Variants in MYO16 observed in about 807,000 individuals in gnomAD.
MYO16 encodes myosin XVI, also known as unconventional myosin-XVI.
In MYO16, 94 loss-of-function variants were observed where a neutral mutation model predicts 205.3. The ratio of observed to expected loss-of-function variants is 0.46; its 90% CI spans 0.39 to 0.54. MYO16 has a LOEUF of 0.54. Ranked by LOEUF, MYO16 falls within the 20% of genes least tolerant of loss-of-function variation. MYO16 has a pLI of 0.00. For synonymous variants in MYO16, 988 were observed against 954.0 expected (o/e 1.04, Z -0.66); for missense variants, 2,315 against 2,387.5 (o/e 0.97, Z 0.63).
At chr13:108,678,448 A>C (rs1296091395) in intron 2 of MYO16, among the ~76,000 whole-genome samples, 1 of 152,014 alleles carries the variant, frequency 6.6e-6, no homozygotes, top group Non-Finnish European at 1.5e-5. Context: ...TTCCCTCATA[A>C]CCAACACGTC....
At chr13:108,993,212 G>C (rs917484917) in intron 21 of MYO16, among the ~76,000 whole-genome samples, 6 of 152,104 alleles carry the variant, frequency 3.9e-5, no homozygotes, top group African/African-American at 1.4e-4. Context: ...AGGTGGTGTG[G>C]TAGGATAAAC....
In MYO16 at chr13:108,823,259, C is replaced by T. The variant is rs372976718; in HGVS notation, c.1078C>T (p.Pro360Ser). Residue 360 changes from proline to serine, a missense_variant, in exon 9 of 35, where the codon CCC (proline) becomes TCC (serine). This residue lies in a region of MYO16 where 1,213 missense variants were observed against 1,274.4 expected (regional missense o/e 0.95). Transcript: ENST00000457511. ...EPYEEIIHDL[P>S]VLSSKLSPLV... ...CTATGAAGAGATCATTCACGATCTT[C>T]CCGTACTGTCGAGTAAGCTGTAAGT... 6.7e-5 allele frequency: 108 copies of T among 1,611,106 alleles called. No homozygotes were observed. The highest frequency in any genetic ancestry group is 6.6e-4 in the Middle Eastern group (4 of 6,064).
At chr13:108,641,565 C>A (rs1030196670) in intron 1 of MYO16, among the ~76,000 whole-genome samples, 1 of 152,122 alleles carries the variant, frequency 6.6e-6, no homozygotes, top group Non-Finnish European at 1.5e-5. Context: ...GTCATTGCTG[C>A]AAAGTATTAT....
intron 17 of MYO16, among the ~76,000 whole-genome samples, chr13:108,958,695 T>C (rs1196683766): frequency 6.6e-6 from 1 of 152,176 alleles, no homozygotes; most frequent in Non-Finnish European, 1.5e-5. Flanking sequence ...TGGTTAGTGG[T>C]TACTGAATCA....
chr13:109,159,411 T>G (rs1215911356), intron 32 of MYO16, among the ~76,000 whole-genome samples: 2 of 151,750 alleles, frequency 1.3e-5, no homozygotes, highest in African/African-American at 4.9e-5. Context: ...CAAGCTATTT[T>G]ACAGGTATGG....
chr13:109,121,974 C>T (rs746008560), intron 29 of MYO16, among the ~76,000 whole-genome samples: 10 of 152,284 alleles, frequency 6.6e-5, no homozygotes, highest in East Asian at 1.9e-4. Context: ...GGGGAGAGGG[C>T]GGGCTACAGG....
intron 16 of MYO16, among the ~76,000 whole-genome samples, chr13:108,917,623 T>C (rs928174409): frequency 6.6e-6 from 1 of 152,172 alleles, no homozygotes; most frequent in Admixed American, 6.5e-5. Flanking sequence ...ATGACTTTGA[T>C]TCGTATGGAT....
At chr13:109,184,683 A>G (rs2139928625) in intron 34 of MYO16, among the ~76,000 whole-genome samples, 1 of 151,858 alleles carries the variant, frequency 6.6e-6, no homozygotes, top group Admixed American at 6.6e-5. Flanking sequence ...TGCAACCTCC[A>G]CCTCCCAGGT....
chr13:108,813,597 T>A (rs181151120), intron 7 of MYO16, among the ~76,000 whole-genome samples: 304 of 152,304 alleles, frequency 2.0e-3, no homozygotes, highest in Admixed American at 3.3e-3. Context: ...GAAGAATAAG[T>A]AAAGTCTATA....
Position 109,177,058 on chromosome 13 carries a change from T to A in MYO16, c.5324-2484T>A, listed in dbSNP as rs181358485. Among the ~76,000 whole-genome samples, 6 of 152,368 alleles carry A rather than the reference T, an allele frequency of 3.9e-5. No homozygotes were observed. The East Asian group carries it at 1.2e-3, about 29-fold the overall frequency. On this transcript the variant is annotated intron_variant, in intron 33 of 34. Coordinates refer to ENST00000457511, the MANE Select transcript of MYO16 (RefSeq NM_001198950.3). ...TTCCGCGAAGCGTCCTTGTGTTTTG[T>A]TGCCTTATCACATTTGTGCTCTCAG... is the stretch of plus-strand genomic sequence containing the variant.
intron 6 of MYO16, among the ~76,000 whole-genome samples, chr13:108,799,870 A>G (rs763991531): frequency 6.6e-6 from 1 of 152,050 alleles, no homozygotes; most frequent in African/African-American, 2.4e-5. Flanking sequence ...GTTAAGAGGA[A>G]GAAGAAGGGA....
intron 32 of MYO16, among the ~76,000 whole-genome samples, chr13:109,158,250 G>T (rs895313471): frequency 6.6e-6 from 1 of 152,102 alleles, no homozygotes; most frequent in Non-Finnish European, 1.5e-5. Flanking sequence ...CTCCCATTAT[G>T]CTCCCTGTCT....
At chr13:109,184,125 G>T (rs773406104) in intron 34 of MYO16, among the ~76,000 whole-genome samples, 1 of 152,038 alleles carries the variant, frequency 6.6e-6, no homozygotes, top group African/African-American at 2.4e-5. Flanking sequence ...ATCATTAAAC[G>T]ATAATTCTAA....
rs539088779 is a variant in MYO16, at chr13:108,834,845, A to G, written c.1098-9498A>G. 3.9e-5 allele frequency among the ~76,000 whole-genome samples: 6 copies of G among 152,184 alleles called. No homozygotes were observed. The South Asian group carries it at 1.2e-3, about 32-fold the overall frequency. On this transcript the variant is annotated intron_variant, in intron 9 of 34. Transcript: ENST00000457511. ...ACTATGTGTGTCCTTAAATTCTACA[A>G]ATGCATAGTAAATGAAAATTTAAAT...
rs755047027 is a variant in MYO16 at position 108,873,752 on chromosome 13, CCCAACCAACCAGGACAGGGTCCATG to C, written c.1425+7561_1425+7585del. On this transcript the variant is annotated intron_variant, in intron 12 of 34. Transcript: ENST00000457511. Reference sequence around the variant, plus strand: ...TGCCAACCACCAGGACAGGGTCCATCCCAACCAACCAGGACAGGGTCCATGCCAACCAACCAGGACAGGGTCCATG... The same window carrying C: ...TGCCAACCACCAGGACAGGGTCCATCCCAACCAACCAGGACAGGGTCCATG... 1.8e-4 allele frequency among the ~76,000 whole-genome samples: 20 copies of C among 113,048 alleles called. No individual in the cohort carries two copies. In the South Asian group the frequency reaches 2.5e-3, roughly 14 times the overall value. 74.2% of individuals were successfully genotyped at this position (113,048 alleles called of 152,430 possible). A position where few individuals can be genotyped will look rare whatever the true frequency, so the allele number is the denominator to read the frequency against.
intron 6 of MYO16, among the ~76,000 whole-genome samples, chr13:108,802,480 G>A (rs143599143): frequency 1.3e-5 from 2 of 152,026 alleles, no homozygotes; most frequent in East Asian, 1.9e-4. Flanking sequence ...TTTTCTTCAC[G>A]TATTTTCCTG....
chr13:109,083,561 C>CGAA (rs1244638055), intron 27 of MYO16, among the ~76,000 whole-genome samples: 2 of 151,734 alleles, frequency 1.3e-5, no homozygotes, highest in Admixed American at 6.6e-5. Context: ...CAAGAACTTA[C>CGAA]GAAACATAAT....
At chr13:108,756,666 T>G (rs1302293458) in intron 4 of MYO16, among the ~76,000 whole-genome samples, 2 of 152,024 alleles carry the variant, frequency 1.3e-5, no homozygotes, top group Non-Finnish European at 1.5e-5. Flanking sequence ...CAGAAGGAAT[T>G]CACATTTATT....
chr13:108,842,450 G>A (rs1186150324), intron 9 of MYO16, among the ~76,000 whole-genome samples: 2 of 151,922 alleles, frequency 1.3e-5, no homozygotes, highest in Non-Finnish European at 2.9e-5. Flanking sequence ...TATGAGCAAA[G>A]AACCTGAACA....
Sources: allele counts gnomAD v4.1 joint callset (sites outside exome capture counted in the v4.1 genomes callset), GRCh38; gene constraint gnomAD v4.1.1; regional missense constraint gnomAD v4.1.1; transcripts MANE v1.5; gene names NCBI Gene and HGNC (gene_info 2026-07-23, HGNC 2026-07-21).